The following FSIP2 variants were observed in gnomAD, a reference collection of about 807,000 sequenced individuals.
The protein encoded by FSIP2 is fibrous sheath interacting protein 2, also known as fibrous sheath-interacting protein 2.
Under a neutral mutation model 510.5 loss-of-function variants are expected in FSIP2, and 367 were observed. The ratio of observed to expected loss-of-function variants is 0.72; its 90% CI spans 0.66 to 0.78. The LOEUF is 0.78. Ranked by LOEUF, FSIP2 falls within the 30% of genes least tolerant of loss-of-function variation. The pLI is 0.00. For synonymous variants in FSIP2, 2,601 were observed against 2,732.2 expected, an observed-to-expected ratio of 0.95 and a Z score of 1.50; for missense variants, 7,594 against 7,901.7, an observed-to-expected ratio of 0.96 and a Z score of 1.48.
In FSIP2 at chr2:185,833,135, C is replaced by A; in HGVS notation, c.20633C>A (p.Thr6878Lys). The A allele has an allele frequency of 1.2e-6, 2 of 1,610,044 alleles. No homozygotes were observed. Among genetic ancestry groups the A allele is most frequent in the Non-Finnish European group, 1.7e-6 (2 of 1,177,438 alleles). Residue 6878 changes from threonine (T) to lysine (K), a missense_variant, in exon 23 of 23, where the codon ACA becomes AAA. Physicochemically the swap from Thr to Lys is moderately conservative, Grantham distance 78. Transcript: ENST00000424728. ...TCCAAACAAGGATCTAAAATGCTGA[C>A]AAAAATGTCTTCAACTTTGTCAAAG... ...DVSKQGSKML[T>K]KMSSTLSKVF... is the part of the protein sequence containing the mutation.
intron 14 of FSIP2, 130 bp downstream of exon 14, chr2:185,782,892 C>A (rs1024297499): frequency 9.6e-6 from 6 of 628,016 alleles, no homozygotes; most frequent in Non-Finnish European, 1.7e-5. Flanking sequence ...GAAACTTAGT[C>A]TTTTGCAGAC....
At chr2:185,765,486 C>G (rs1311364935) in intron 13 of FSIP2, 1 of 151,954 alleles carries the variant, frequency 6.6e-6, no homozygotes, top group African/African-American at 2.4e-5. Flanking sequence ...GGGCTCTGTT[C>G]TGTTCCATTG....
chr2:185,819,000 G>A (rs1358692581), intron 19 of FSIP2, among the ~76,000 whole-genome samples: 1 of 151,810 alleles, frequency 6.6e-6, no homozygotes, highest in Non-Finnish European at 1.5e-5. Flanking sequence ...ACAAATGCAT[G>A]AAACAGATAA....
At chr2:185,742,961 G>A (rs1378503860) in intron 2 of FSIP2, among the ~76,000 whole-genome samples, 172 bp from the exon 3 acceptor site, 2 of 152,150 alleles carry the variant, frequency 1.3e-5, no homozygotes, top group African/African-American at 4.8e-5. Flanking sequence ...GGTGAGGAGA[G>A]AGGAAAGGAA....
chr2:185,792,752 C>G lies in FSIP2; in HGVS notation c.5616C>G (p.Ile1872Met). The G allele has an allele frequency of 6.5e-7, 1 of 1,534,140 alleles. No homozygotes were observed. Among genetic ancestry groups the G allele is most frequent in the Non-Finnish European group, 8.7e-7 (1 of 1,145,596 alleles). The change falls in exon 16 of 23, where the codon ATC (isoleucine) becomes ATG (methionine). Residue 1872 changes from isoleucine to methionine, a missense_variant. Ile to Met is a conservative substitution (Grantham distance 10). Coordinates refer to ENST00000424728, the MANE Select transcript of FSIP2 (RefSeq NM_173651.4). The stretch of plus-strand genomic sequence containing the variant: ...TAAGGGAAAATAGGTATAAAACTAT[C>G]ACTTTTTCAGCAAATGTTTCTTCTC... ...RNVRENRYKT[I>M]TFSANVSSHE...
At chr2:185,822,169 A>C (rs1693933644) in intron 19 of FSIP2, among the ~76,000 whole-genome samples, 1 of 151,938 alleles carries the variant, frequency 6.6e-6, no homozygotes, top group South Asian at 2.1e-4. Context: ...AAACAAAAAA[A>C]CAATGACTAC....
At chr2:185,820,757 G>C (rs1442693554) in intron 19 of FSIP2, among the ~76,000 whole-genome samples, 2 of 150,956 alleles carry the variant, frequency 1.3e-5, no homozygotes, top group Admixed American at 1.3e-4. Context: ...GAAATAATGA[G>C]GGAACTTACC....
chr2:185,804,653 C>A lies in FSIP2; in HGVS notation c.15347C>A (p.Ser5116Tyr). 6.5e-7 allele frequency: 1 copy of A among 1,533,072 alleles called. No individual in the cohort carries two copies. The highest frequency in any genetic ancestry group is 1.4e-5 in the African/African-American group (1 of 72,910). 95.0% of individuals were successfully genotyped at this position (1,533,072 alleles called of 1,614,324 possible). A position where few individuals can be genotyped will look rare whatever the true frequency, so the allele number is the denominator to read the frequency against. The change falls in exon 17 of 23, where the codon TCT (serine) becomes TAT (tyrosine). Residue 5116 changes from serine to tyrosine, a missense_variant. By Grantham distance (144) the Ser-to-Tyr change is moderately radical (BLOSUM62 -2). Coordinates refer to ENST00000424728, the MANE Select transcript of FSIP2 (RefSeq NM_173651.4). ...CCATATATTACTGTGTTGCCTCATT[C>A]TCTTTTAGAAGATATGGTTTACAGG... The part of the protein sequence containing the change: ...LPPYITVLPH[S>Y]LLEDMVYRLL...
chr2:185,809,989 A>T (rs1693691411), intron 17 of FSIP2, among the ~76,000 whole-genome samples: 1 of 152,070 alleles, frequency 6.6e-6, no homozygotes, highest in African/African-American at 2.4e-5. Flanking sequence ...AAATCCCTTT[A>T]ACTGATGGCA....
rs1373322823 is a variant in FSIP2, at chr2:185,813,875, C to T, written c.20158C>T (p.Gln6720Ter). 6.2e-7 allele frequency: 1 copy of T among 1,613,700 alleles called. No homozygotes were observed. Among genetic ancestry groups the T allele is most frequent in the East Asian group, 2.2e-5 (1 of 44,810 alleles). ...ATTTTTGTCACTAAGTAAATGTTGTCAGACCACAGCCAGTGCAAATATTGA... is the reference window on the plus strand; with the variant it reads ...ATTTTTGTCACTAAGTAAATGTTGTTAGACCACAGCCAGTGCAAATATTGA... The part of the protein sequence containing the change: ...KKFLSLSKCC[Q>*]TTASANIEST... Residue 6720 changes from glutamine to a stop codon, truncating the protein, a stop_gained, in exon 18 of 23, where the codon CAG (glutamine) becomes TAG (stop). Coordinates refer to ENST00000424728, the MANE Select transcript of FSIP2 (RefSeq NM_173651.4). LOFTEE classifies it high-confidence loss of function.
chr2:185,786,362 T>C, intron 15 of FSIP2, 74 bp downstream of exon 15: 3 of 963,840 alleles, frequency 3.1e-6, no homozygotes, highest in Non-Finnish European at 4.6e-6. Flanking sequence ...AGAAAACATT[T>C]TGTTAACTAA....
chr2:185,789,143 C>T lies in FSIP2; in HGVS notation c.2007C>T (p.Ser669=). The T allele has an allele frequency of 1.3e-6, 2 of 1,534,982 alleles. No homozygotes were observed. The highest frequency in any genetic ancestry group is 1.2e-5 in the South Asian group (1 of 84,022). The change falls in exon 16 of 23, where the codon AGC becomes AGT. Residue 669 remains serine, a synonymous_variant. Transcript: ENST00000424728. The stretch of plus-strand genomic sequence containing the variant: ...AGGATGCTACCACTGAAACAGATAG[C>T]TTAGGGAGTTCATTGCATTGTGATA... ...KSKDATTETD[S]LGSSLHCDKT...
At chr2:185,750,268 G>A (rs1692115844) in intron 7 of FSIP2, among the ~76,000 whole-genome samples, 1 of 151,508 alleles carries the variant, frequency 6.6e-6, no homozygotes, top group East Asian at 1.9e-4. Flanking sequence ...ATTTATCAGT[G>A]AAGACATTTG....
At chr2:185,745,870 T>C (rs1408343067) in intron 5 of FSIP2, among the ~76,000 whole-genome samples, 1 of 152,150 alleles carries the variant, frequency 6.6e-6, no homozygotes, top group Non-Finnish European at 1.5e-5. Context: ...AACAGCTTTT[T>C]AAGATTCATC....
In FSIP2 at chr2:185,739,041, C is replaced by T. The variant is rs1691862240; in HGVS notation, c.99+48C>T. ...GCGTCGCCCTCTGGCGGCCGCAGGC[C>T]TGCTGGGGAGCGGGGCAGGGATCGC... is the stretch of plus-strand genomic sequence containing the variant. On this transcript the variant is annotated intron_variant, in intron 1 of 22. Transcript: ENST00000424728. 2.7e-6 allele frequency: 4 copies of T among 1,509,334 alleles called. No homozygotes were observed. The African/African-American group carries it at 4.2e-5, about 16-fold the overall frequency. 93.5% of individuals were successfully genotyped at this position (1,509,334 alleles called of 1,614,324 possible). A position where few individuals can be genotyped will look rare whatever the true frequency, so the allele number is the denominator to read the frequency against.
chr2:185,758,142 C>T (rs150604438), intron 9 of FSIP2, among the ~76,000 whole-genome samples: 1 of 151,418 alleles, frequency 6.6e-6, no homozygotes, highest in African/African-American at 2.4e-5. Flanking sequence ...CCCTGAAATT[C>T]ATCCAAGTTA....
At position 185,804,199 on chromosome 2, in the gene FSIP2, T is replaced by G; in HGVS notation, c.14893T>G (p.Ser4965Ala). ...ELLCKILYAF[S>A]HNMLVTENPD... is the part of the protein sequence containing the mutation. ...CTTATGCAAAATTCTTTATGCATTT[T>G]CACATAACATGTTGGTTACTGAAAA... The change falls in exon 17 of 23, where the codon TCA (serine) becomes GCA (alanine). Residue 4965 changes from serine to alanine, a missense_variant. Transcript: ENST00000424728. The G allele has an allele frequency of 6.6e-7, 1 of 1,515,618 alleles. No homozygotes were observed. The highest frequency in any genetic ancestry group is 1.4e-5 in the African/African-American group (1 of 71,920). The allele number at this position is 1,515,618 out of a possible 1,614,324, so 93.9% of individuals were successfully genotyped here.
Position 185,795,556 on chromosome 2 carries a change from G to A in FSIP2, c.8420G>A (p.Gly2807Asp). The A allele has an allele frequency of 6.5e-7, 1 of 1,534,938 alleles. No individual in the cohort carries two copies. The highest frequency in any genetic ancestry group is 8.7e-7 in the Non-Finnish European group (1 of 1,146,038). The change falls in exon 16 of 23, where the codon GGC becomes GAC. Residue 2807 changes from glycine (G) to aspartate (D), a missense_variant. Coordinates refer to ENST00000424728, the MANE Select transcript of FSIP2 (RefSeq NM_173651.4). ...CTCAGACTTTCACAGGGGAATATAG[G>A]CACAGGATCCCTTCCTAAACAACAA... is the stretch of plus-strand genomic sequence containing the variant. ...SHLRLSQGNI[G>D]TGSLPKQQAC...
At chr2:185,756,686 CTTATG>C (rs751709856) in intron 9 of FSIP2, among the ~76,000 whole-genome samples, 21 of 151,324 alleles carry the variant, frequency 1.4e-4, no homozygotes, top group South Asian at 4.1e-4. Flanking sequence ...TATCTTTTAA[CTTATG>C]TTATGTCACT....
Sources: allele counts gnomAD v4.1 joint callset (sites outside exome capture counted in the v4.1 genomes callset), GRCh38; gene constraint gnomAD v4.1.1; transcripts MANE v1.5; gene names NCBI Gene and HGNC (gene_info 2026-07-23, HGNC 2026-07-21).